ABAT: variants seen among roughly 807,000 people sequenced by gnomAD.
ABAT encodes 4-aminobutyrate aminotransferase.
ABAT carries 45 observed loss-of-function variants against 64.6 expected under a neutral mutation model. That is an observed-to-expected ratio of 0.70 (90% CI 0.55 to 0.89). The LOEUF (loss-of-function observed/expected upper bound fraction) is 0.89. Ranked by LOEUF, ABAT falls within the 40% of genes least tolerant of loss-of-function variation. The probability of loss-of-function intolerance (pLI) is 0.00; values close to 1 mark genes in which losing one functional copy is unlikely to be tolerated. For synonymous variants in ABAT, 297 were observed against 250.5 expected, an observed-to-expected ratio of 1.19 and a Z score of -1.75; for missense variants, 633 against 658.4, an observed-to-expected ratio of 0.96 and a Z score of 0.42.
intron 1 of ABAT, among the ~76,000 whole-genome samples, chr16:8,696,083 C>G (rs767723412): frequency 6.6e-6 from 1 of 152,172 alleles, no homozygotes; most frequent in Non-Finnish European, 1.5e-5. Flanking sequence ...GATTTTGTAA[C>G]TTATTGAAGA....
In ABAT at chr16:8,781,555, G is replaced by A; in HGVS notation, c.*125G>A. On this transcript the variant is annotated 3_prime_UTR_variant, in exon 16 of 16. Transcript: ENST00000268251. The surrounding 1 kb of genome is among the most constrained non-coding windows in gnomAD (Gnocchi z 4.5). ...AATGCACAGTGAAGGGTGATTTGTG[G>A]GGAGGGAGCATTTTTGGTGGTCTTG... The A allele has an allele frequency of 1.4e-6, 2 of 1,413,328 alleles. No homozygotes were observed. The highest frequency in any genetic ancestry group is 2.0e-6 in the Non-Finnish European group (2 of 1,020,092). The allele number at this position is 1,413,328 out of a possible 1,614,324, so 87.5% of individuals were successfully genotyped here. A position where few individuals can be genotyped will look rare whatever the true frequency, so the allele number is the denominator to read the frequency against.
chr16:8,707,324 C>G (rs1434907342), intron 1 of ABAT, among the ~76,000 whole-genome samples: 2 of 149,902 alleles, frequency 1.3e-5, no homozygotes, highest in African/African-American at 2.5e-5. Flanking sequence ...GTAGCTGGGA[C>G]TATAGGCACA....
chr16:8,779,314 C>G (rs2060362068), intron 14 of ABAT, among the ~76,000 whole-genome samples, 165 bp from the exon 15 acceptor site: 1 of 152,262 alleles, frequency 6.6e-6, no homozygotes, highest in Admixed American at 6.5e-5. Flanking sequence ...GGGCTTTGAA[C>G]CCAGGCCTGA....
intron 1 of ABAT, among the ~76,000 whole-genome samples, chr16:8,685,590 C>T (rs902954520): frequency 1.3e-5 from 2 of 151,982 alleles, no homozygotes; most frequent in African/African-American, 2.4e-5. Context: ...GCAGGAGAAT[C>T]GCTTGAACCC....
intron 1 of ABAT, among the ~76,000 whole-genome samples, chr16:8,676,480 G>T (rs376824131): frequency 1.5e-4 from 23 of 152,208 alleles, no homozygotes; most frequent in Admixed American, 5.2e-4. Flanking sequence ...CTCTGCAAAG[G>T]TCATGAAGCC....
At chr16:8,772,947 G>T in intron 12 of ABAT, 30 bp downstream of exon 12, 1 of 1,612,532 alleles carries the variant, frequency 6.2e-7, no homozygotes, top group Non-Finnish European at 8.5e-7. Flanking sequence ...GTTGGATGGA[G>T]CCATTGGGTT....
chr16:8,733,587 CG>C (rs750989729), intron 1 of ABAT, among the ~76,000 whole-genome samples: 11 of 151,930 alleles, frequency 7.2e-5, no homozygotes, highest in African/African-American at 1.2e-4. Flanking sequence ...CCCGGCACCT[CG>C]GGAGGCCGAG....
At position 8,781,983 on chromosome 16, in the gene ABAT, A is replaced by G. The variant is rs1437331487; in HGVS notation, c.*553A>G. 1 of 185,076 alleles carries G rather than the reference A, an allele frequency of 5.4e-6. No individual in the cohort carries two copies. Among genetic ancestry groups the G allele is most frequent in the African/African-American group, 2.3e-5 (1 of 42,800 alleles). 11.5% of individuals were successfully genotyped at this position (185,076 alleles called of 1,614,324 possible). A position where few individuals can be genotyped will look rare whatever the true frequency, so the allele number is the denominator to read the frequency against. On this transcript the variant is annotated 3_prime_UTR_variant, in exon 16 of 16. Transcript: ENST00000268251. The surrounding 1 kb of genome is among the most constrained non-coding windows in gnomAD (Gnocchi z 4.5). ...CTGAGGAAGGCCGTAAAATGGGGACAGGAGGATTCAGCTCAGGAGTAAGGG... is the reference window on the plus strand; with the variant it reads ...CTGAGGAAGGCCGTAAAATGGGGACGGGAGGATTCAGCTCAGGAGTAAGGG...
intron 5 of ABAT, among the ~76,000 whole-genome samples, chr16:8,752,222 A>C (rs9673228): frequency 0.026 from 3,953 of 152,322 alleles, 162 homozygotes; most frequent in African/African-American, 0.089. Flanking sequence ...GGGGAAGTCC[A>C]TCATTCAGGA....
At chr16:8,696,798 A>G (rs2057713075) in intron 1 of ABAT, among the ~76,000 whole-genome samples, 1 of 152,100 alleles carries the variant, frequency 6.6e-6, no homozygotes, top group Non-Finnish European at 1.5e-5. Context: ...CTGGTCTTGG[A>G]CAGGCCTCTT....
chr16:8,761,591 C>A (rs935083297), intron 6 of ABAT, among the ~76,000 whole-genome samples: 8 of 152,212 alleles, frequency 5.3e-5, no homozygotes, highest in African/African-American at 1.7e-4. Flanking sequence ...TGCAGAGGAA[C>A]TGGGTTTGAG....
At chr16:8,744,879 G>T (rs1425042338) in intron 2 of ABAT, among the ~76,000 whole-genome samples, 1 of 152,072 alleles carries the variant, frequency 6.6e-6, no homozygotes, top group Admixed American at 6.5e-5. Flanking sequence ...TATTTAAGAT[G>T]TCAACCTCAA....
chr16:8,675,750 C>T (rs972768186), intron 1 of ABAT, among the ~76,000 whole-genome samples: 1 of 152,188 alleles, frequency 6.6e-6, no homozygotes, highest in Non-Finnish European at 1.5e-5. Context: ...CAGCAGAGAC[C>T]ACCCGCCACC....
chr16:8,733,018 G>T lies in ABAT; in HGVS notation c.-41-2681G>T, dbSNP rs2058787733. Reference sequence around the variant, plus strand: ...CCTCCCGGACGGGGCGGCTGGCCTGGCAGGGGGCTGATCCCCCCACCTCCC... The same window carrying T: ...CCTCCCGGACGGGGCGGCTGGCCTGTCAGGGGGCTGATCCCCCCACCTCCC... On this transcript the variant is annotated intron_variant, in intron 1 of 15. Coordinates refer to ENST00000268251, the MANE Select transcript of ABAT (RefSeq NM_020686.6). Among the ~76,000 whole-genome samples the T allele has an allele frequency of 1.3e-5, 2 of 149,328 alleles. 1 individual carries two copies. The highest frequency in any genetic ancestry group is 5.1e-5 in the African/African-American group (2 of 39,598).
At position 8,687,498 on chromosome 16, in the gene ABAT, C is replaced by A. The variant is rs1445963854; in HGVS notation, c.-42+12787C>A. 2.0e-5 allele frequency among the ~76,000 whole-genome samples: 3 copies of A among 152,230 alleles called. No homozygotes were observed. The East Asian group carries it at 5.8e-4, about 29-fold the overall frequency. The stretch of plus-strand genomic sequence containing the variant: ...CCGAGATCGCGCCACCGCACTCCAG[C>A]CTGGCGACAGAGTGAGACTCCATCT... On this transcript the variant is annotated intron_variant, in intron 1 of 15. Transcript: ENST00000268251.
At chr16:8,676,475 CA>C (rs1421835990) in intron 1 of ABAT, among the ~76,000 whole-genome samples, 5 of 152,120 alleles carry the variant, frequency 3.3e-5, no homozygotes, top group Admixed American at 1.3e-4. Context: ...CAAGGCTCTG[CA>C]AAGGTCATGA....
chr16:8,726,732 G>A (rs1344813654), intron 1 of ABAT, among the ~76,000 whole-genome samples: 11 of 152,152 alleles, frequency 7.2e-5, no homozygotes, highest in Non-Finnish European at 1.6e-4. Flanking sequence ...TGGATCATAT[G>A]GTAGCTCAAT....
chr16:8,713,382 C>G (rs1333251449), intron 1 of ABAT: 2 of 160,842 alleles, frequency 1.2e-5, no homozygotes, highest in African/African-American at 2.4e-5. Flanking sequence ...ATCCTTCTGG[C>G]TTAAACCAAG....
chr16:8,770,442 T>C (rs2060073758), intron 11 of ABAT, among the ~76,000 whole-genome samples: 1 of 151,546 alleles, frequency 6.6e-6, no homozygotes, highest in South Asian at 2.1e-4. Context: ...GGCCTTCTTT[T>C]CTTTTGTTTT....
Sources: allele counts gnomAD v4.1 joint callset (sites outside exome capture counted in the v4.1 genomes callset), GRCh38; gene constraint gnomAD v4.1.1; non-coding constraint Gnocchi (gnomAD v3.1); transcripts MANE v1.5; gene names NCBI Gene and HGNC (gene_info 2026-07-23, HGNC 2026-07-21).